The following CSRNP3 variants were observed in gnomAD, a reference collection of about 807,000 sequenced individuals.
CSRNP3 encodes cysteine and serine rich nuclear protein 3, also known as cysteine/serine-rich nuclear protein 3.
In CSRNP3, 12 loss-of-function variants were observed where a neutral mutation model predicts 48.0. The observed-to-expected ratio is 0.25, with a 90% CI of 0.16 to 0.41. The LOEUF is 0.41. Ranked by LOEUF, CSRNP3 falls within the 10% of genes least tolerant of loss-of-function variation. The pLI, the probability that CSRNP3 is intolerant of heterozygous loss-of-function variation, is 1.00. For synonymous variants in CSRNP3, 263 were observed against 269.7 expected, an observed-to-expected ratio of 0.98 and a Z score of 0.24; for missense variants, 580 against 724.4, an observed-to-expected ratio of 0.80 and a Z score of 2.29.
At chr2:165,654,875 C>T (rs1686976122) in intron 4 of CSRNP3, among the ~76,000 whole-genome samples, 1 of 152,198 alleles carries the variant, frequency 6.6e-6, no homozygotes, top group South Asian at 2.1e-4. Context: ...GGTGATCCGC[C>T]TGTCTTGGCC....
At chr2:165,672,457 T>G (rs1269244630) in intron 5 of CSRNP3, among the ~76,000 whole-genome samples, 1 of 152,218 alleles carries the variant, frequency 6.6e-6, no homozygotes, top group East Asian at 1.9e-4. Context: ...GGGTTTCCCC[T>G]TATGAAACCA....
chr2:165,575,806 A>C (rs944730559), intron 3 of CSRNP3, among the ~76,000 whole-genome samples: 3 of 151,960 alleles, frequency 2.0e-5, no homozygotes, highest in Non-Finnish European at 4.4e-5. Context: ...TTATCACTCT[A>C]TGGGGACATT....
intron 3 of CSRNP3, among the ~76,000 whole-genome samples, chr2:165,576,024 A>G (rs1484793490): frequency 1.3e-5 from 2 of 151,290 alleles, no homozygotes; most frequent in African/African-American, 4.8e-5. Context: ...GGTCCAAACA[A>G]TATTTATAGG....
At chr2:165,556,323 C>T in intron 3 of CSRNP3, among the ~76,000 whole-genome samples, 1 of 152,160 alleles carries the variant, frequency 6.6e-6, no homozygotes, top group East Asian at 1.9e-4. Flanking sequence ...GTTTGACACA[C>T]TGACTTTGCA....
At chr2:165,591,585 T>C (rs1024679153) in intron 3 of CSRNP3, among the ~76,000 whole-genome samples, 1 of 152,046 alleles carries the variant, frequency 6.6e-6, no homozygotes, top group Non-Finnish European at 1.5e-5. Context: ...GACCCCCTGT[T>C]CTGTGCAGCC....
At chr2:165,498,556 T>TTA (rs1454386281) in intron 2 of CSRNP3, among the ~76,000 whole-genome samples, 1 of 152,126 alleles carries the variant, frequency 6.6e-6, no homozygotes, top group African/African-American at 2.4e-5. Context: ...GAGTTGGATT[T>TTA]TATATTTGCT....
rs1277713604 is a variant in CSRNP3 at position 165,685,746 on chromosome 2, C to G, written c.*5993C>G. On this transcript the variant is annotated 3_prime_UTR_variant, in exon 7 of 7. Transcript: ENST00000651982. Reference sequence around the variant, plus strand: ...AAGAAATGTCAACTTCACTGTGTCACTTTATGTCATCTCTCATAAAAGTTT... The same window carrying G: ...AAGAAATGTCAACTTCACTGTGTCAGTTTATGTCATCTCTCATAAAAGTTT... The G allele has an allele frequency of 6.6e-6, 1 of 152,042 alleles. No individual in the cohort carries two copies. The highest frequency in any genetic ancestry group is 1.5e-5 in the Non-Finnish European group (1 of 67,988). 9.4% of individuals were successfully genotyped at this position (152,042 alleles called of 1,614,324 possible).
chr2:165,556,105 G>A (rs548976690), intron 3 of CSRNP3, among the ~76,000 whole-genome samples: 1 of 152,292 alleles, frequency 6.6e-6, no homozygotes, highest in South Asian at 2.1e-4. Flanking sequence ...CAGTAGCAGG[G>A]ATGCTGCTGA....
At chr2:165,527,396 G>A (rs1684746684) in intron 3 of CSRNP3, among the ~76,000 whole-genome samples, 1 of 151,576 alleles carries the variant, frequency 6.6e-6, no homozygotes. Context: ...TAGTAGAGAC[G>A]GCGTTTCACC....
At chr2:165,544,572 G>A (rs1684999422) in intron 3 of CSRNP3, among the ~76,000 whole-genome samples, 1 of 152,154 alleles carries the variant, frequency 6.6e-6, no homozygotes, top group Admixed American at 6.5e-5. Flanking sequence ...TTGGACCAGA[G>A]TGAGAGAGTA....
At chr2:165,581,058 C>T (rs967356563) in intron 3 of CSRNP3, among the ~76,000 whole-genome samples, 1 of 152,164 alleles carries the variant, frequency 6.6e-6, no homozygotes, top group Non-Finnish European at 1.5e-5. Context: ...AAAGCCGTAT[C>T]GTGTTCTTGG....
At chr2:165,641,816 A>G (rs1405524822) in intron 4 of CSRNP3, among the ~76,000 whole-genome samples, 6 of 152,178 alleles carry the variant, frequency 3.9e-5, no homozygotes, top group Non-Finnish European at 1.5e-5. Context: ...TGCTCTTTAA[A>G]GGTAAAAGAA....
intron 3 of CSRNP3, among the ~76,000 whole-genome samples, chr2:165,588,839 G>A (rs538611218): frequency 3.3e-5 from 5 of 152,244 alleles, no homozygotes; most frequent in African/African-American, 1.2e-4. Flanking sequence ...GTGAATGCTT[G>A]TAGTTTCAGC....
intron 3 of CSRNP3, among the ~76,000 whole-genome samples, chr2:165,549,309 C>T (rs1163543072): frequency 6.6e-6 from 1 of 152,032 alleles, no homozygotes; most frequent in African/African-American, 2.4e-5. Context: ...AAATGCTTTT[C>T]CAAGATTCAC....
chr2:165,560,184 C>T (rs994873946), intron 3 of CSRNP3, among the ~76,000 whole-genome samples: 4 of 152,080 alleles, frequency 2.6e-5, no homozygotes, highest in African/African-American at 9.7e-5. Context: ...TCACAATGTT[C>T]TATTATTTTA....
intron 1 of CSRNP3, among the ~76,000 whole-genome samples, chr2:165,487,873 A>G (rs1182519991): frequency 2.1e-5 from 3 of 144,036 alleles, no homozygotes; most frequent in African/African-American, 7.9e-5. Context: ...GAGACTAGGA[A>G]GAAACTGCAT....
intron 5 of CSRNP3, among the ~76,000 whole-genome samples, chr2:165,660,149 A>G (rs1687072109): frequency 2.0e-5 from 3 of 152,184 alleles, no homozygotes; most frequent in African/African-American, 7.2e-5. Flanking sequence ...ACGGCAAACC[A>G]ACTCTACCCT....
In CSRNP3 at chr2:165,471,834, G is replaced by GAA. The variant is rs559507269; in HGVS notation, c.-283+2095_-283+2096dup. Among the ~76,000 whole-genome samples the GAA allele has an allele frequency of 5.2e-3, 784 of 151,816 alleles. 2 individuals carry two copies. Among genetic ancestry groups the GAA allele is most frequent in the Non-Finnish European group, 8.9e-3 (601 of 67,876 alleles). On this transcript the variant is annotated intron_variant, in intron 1 of 6. Transcript: ENST00000651982. ...ACAGGAAGAGATAGAGAGAGAGAGA[G>GAA]AATGTGTGCTGGAGTGGAGACAAGA...
At chr2:165,613,943 A>G (rs1479414055) in intron 4 of CSRNP3, among the ~76,000 whole-genome samples, 1 of 151,612 alleles carries the variant, frequency 6.6e-6, no homozygotes, top group East Asian at 1.9e-4. Context: ...GAAGAATGTC[A>G]TTGGTGTTTG....
Sources: allele counts gnomAD v4.1 joint callset (sites outside exome capture counted in the v4.1 genomes callset), GRCh38; gene constraint gnomAD v4.1.1; transcripts MANE v1.5; gene names NCBI Gene and HGNC (gene_info 2026-07-23, HGNC 2026-07-21).